The following ATP11A variants were observed in gnomAD, a reference collection of about 807,000 sequenced individuals.
ATP11A encodes the protein ATPase phospholipid transporting 11A.
A neutral mutation model predicts 154.4 loss-of-function variants in ATP11A; 81 were observed. The ratio of observed to expected loss-of-function variants is 0.52; its 90% CI spans 0.44 to 0.63. The LOEUF (loss-of-function observed/expected upper bound fraction) is 0.63. Ranked by LOEUF, ATP11A falls within the 30% of genes least tolerant of loss-of-function variation. The pLI, the probability that ATP11A is intolerant of heterozygous loss-of-function variation, is 0.00. For synonymous variants in ATP11A, 623 were observed against 585.9 expected, an observed-to-expected ratio of 1.06 and a Z score of -0.91; for missense variants, 1,316 against 1,474.3, an observed-to-expected ratio of 0.89 and a Z score of 1.76.
rs544636368 is a variant in ATP11A, at chr13:112,820,100, G to A, written c.725+150G>A. The A allele has an allele frequency of 5.9e-5, 45 of 757,642 alleles. No individual in the cohort carries two copies. In the African/African-American group the frequency reaches 7.3e-4, roughly 12 times the overall value. The allele number at this position is 757,642 out of a possible 1,614,324, so 46.9% of individuals were successfully genotyped here. On this transcript the variant is annotated intron_variant, in intron 8 of 29. Transcript: ENST00000375645. ...TCCCACAGGGCCGGGCTCCACTCTC[G>A]TCTCTGGTTTGTCTCAGGCACACAT... is the stretch of plus-strand genomic sequence containing the variant.
intron 2 of ATP11A, among the ~76,000 whole-genome samples, chr13:112,798,753 C>T (rs2078062036): frequency 6.6e-6 from 1 of 152,046 alleles, no homozygotes; most frequent in Non-Finnish European, 1.5e-5. Flanking sequence ...GAGTATAAGT[C>T]ACAAAAGAAA....
chr13:112,826,489 C>T (rs1478198481), intron 11 of ATP11A, among the ~76,000 whole-genome samples: 3 of 152,320 alleles, frequency 2.0e-5, no homozygotes, highest in Admixed American at 6.5e-5. Flanking sequence ...CAGCTCAGCC[C>T]CTGGACCCGG....
chr13:112,860,350 C>G lies in ATP11A; in HGVS notation c.2791C>G (p.Leu931Val). Reference sequence around the variant, plus strand: ...CAGCTTCACCTCCCTCCCCATCCTCCTGTACAGCCTCATGGAGCAGCATGT... The same window carrying G: ...CAGCTTCACCTCCCTCCCCATCCTCGTGTACAGCCTCATGGAGCAGCATGT... ...NISFTSLPIL[L>V]YSLMEQHVGI... The change falls in exon 24 of 30, where the codon CTG becomes GTG. Residue 931 changes from leucine (L) to valine (V), a missense_variant. Leu to Val is a conservative substitution (Grantham distance 32). Coordinates refer to ENST00000375645, the MANE Select transcript of ATP11A (RefSeq NM_015205.3). The G allele has an allele frequency of 6.2e-7, 1 of 1,614,216 alleles. No individual in the cohort carries two copies. The highest frequency in any genetic ancestry group is 8.5e-7 in the Non-Finnish European group (1 of 1,180,044).
At chr13:112,722,053 T>C (rs1889259511) in intron 1 of ATP11A, among the ~76,000 whole-genome samples, 1 of 152,104 alleles carries the variant, frequency 6.6e-6, no homozygotes, top group South Asian at 2.1e-4. Context: ...AACCAAACTC[T>C]GTATCAGTGA....
In ATP11A at chr13:112,713,729, A is replaced by C. The variant is rs544482791; in HGVS notation, c.39+23274A>C. Among the ~76,000 whole-genome samples the C allele has an allele frequency of 5.3e-5, 8 of 152,284 alleles. No individual in the cohort carries two copies. The East Asian group carries it at 1.5e-3, about 29-fold the overall frequency. On this transcript the variant is annotated intron_variant, in intron 1 of 29. Coordinates refer to ENST00000375645, the MANE Select transcript of ATP11A (RefSeq NM_015205.3). Reference sequence around the variant, plus strand: ...TCTGGCCGTTTAATCTTCTGATGACAGACAGCTAACTGTTGATAAGGATAA... The same window carrying C: ...TCTGGCCGTTTAATCTTCTGATGACCGACAGCTAACTGTTGATAAGGATAA...
At chr13:112,705,375 C>A (rs796095204) in intron 1 of ATP11A, among the ~76,000 whole-genome samples, 1 of 152,144 alleles carries the variant, frequency 6.6e-6, no homozygotes, top group African/African-American at 2.4e-5. Flanking sequence ...CCTCAGCACG[C>A]GGGGGTGCTC....
At chr13:112,874,557 C>T (rs568913625) in intron 27 of ATP11A, among the ~76,000 whole-genome samples, 1 of 152,322 alleles carries the variant, frequency 6.6e-6, no homozygotes, top group African/African-American at 2.4e-5. Flanking sequence ...CTGCCACAGC[C>T]CTCTGCAGAC....
At chr13:112,814,595 T>C (rs752003841) in intron 5 of ATP11A, among the ~76,000 whole-genome samples, 2 of 152,192 alleles carry the variant, frequency 1.3e-5, no homozygotes, top group Non-Finnish European at 2.9e-5. Context: ...TTGTCGCCCC[T>C]GCACCAGGGG....
intron 1 of ATP11A, among the ~76,000 whole-genome samples, chr13:112,732,384 C>G (rs1396651680): frequency 1.3e-5 from 2 of 152,132 alleles, no homozygotes; most frequent in Non-Finnish European, 2.9e-5. Flanking sequence ...GTCTCTCTCT[C>G]CCCATCCTCT....
In ATP11A at chr13:112,746,318, G is replaced by GC. The variant is rs1892130724; in HGVS notation, c.40-38817_40-38816insC. On this transcript the variant is annotated intron_variant, in intron 1 of 29. Transcript: ENST00000375645. The surrounding 1 kb of genome is among the most constrained non-coding windows in gnomAD (Gnocchi z 4.1). ...TGCACCAACAGTGCACAGGGCTCCG[G>GC]TTCCCCACGTCCTCACCGGGTAACT... 1 of 152,138 alleles carries GC rather than the reference G, an allele frequency of 6.6e-6. No individual in the cohort carries two copies. The highest frequency in any genetic ancestry group is 2.4e-5 in the African/African-American group (1 of 41,396). 9.4% of individuals were successfully genotyped at this position (152,138 alleles called of 1,614,324 possible). A position where few individuals can be genotyped will look rare whatever the true frequency, so the allele number is the denominator to read the frequency against.
At chr13:112,815,573 A>C (rs1439048853) in intron 5 of ATP11A, among the ~76,000 whole-genome samples, 1 of 152,218 alleles carries the variant, frequency 6.6e-6, no homozygotes, top group Non-Finnish European at 1.5e-5. Context: ...CACAAACTAG[A>C]CCATGACCTT....
intron 12 of ATP11A, among the ~76,000 whole-genome samples, chr13:112,829,022 A>G (rs189360870): frequency 5.3e-4 from 80 of 152,302 alleles, no homozygotes; most frequent in African/African-American, 1.6e-3. Flanking sequence ...TGCACACTTT[A>G]TGCACCTTCT....
intron 1 of ATP11A, among the ~76,000 whole-genome samples, chr13:112,714,111 C>G (rs1343446406): frequency 2.5e-5 from 2 of 80,520 alleles, no homozygotes; most frequent in Admixed American, 1.3e-4. Context: ...CTTCCACTCC[C>G]CGCACCCCTG....
chr13:112,880,443 G>A (rs989767631), intron 29 of ATP11A: 25 of 1,034,504 alleles, frequency 2.4e-5, no homozygotes, highest in Non-Finnish European at 2.9e-5. Flanking sequence ...GGGGCTTCGA[G>A]CCTCTTCCTG....
Position 112,729,678 on chromosome 13 carries a change from G to A in ATP11A, c.39+39223G>A, listed in dbSNP as rs766710984. Reference sequence around the variant, plus strand: ...GTGAACAGCGTCAGAAGGCACTGCCGCAGCGCTCCTGCTATTTTTAGCGTC... The same window carrying A: ...GTGAACAGCGTCAGAAGGCACTGCCACAGCGCTCCTGCTATTTTTAGCGTC... On this transcript the variant is annotated intron_variant, in intron 1 of 29. Coordinates refer to ENST00000375645, the MANE Select transcript of ATP11A (RefSeq NM_015205.3). 9.9e-4 allele frequency among the ~76,000 whole-genome samples: 151 copies of A among 152,370 alleles called. 1 individual carries two copies. The highest frequency in any genetic ancestry group is 2.3e-3 in the Admixed American group (35 of 15,308).
chr13:112,799,986 C>G (rs1036111720), intron 2 of ATP11A, among the ~76,000 whole-genome samples: 1 of 151,878 alleles, frequency 6.6e-6, no homozygotes, highest in Non-Finnish European at 1.5e-5. Context: ...ATATTTTAAG[C>G]TAAACAAAAA....
intron 16 of ATP11A, among the ~76,000 whole-genome samples, chr13:112,841,476 G>A (rs1357929366): frequency 5.1e-5 from 7 of 136,184 alleles, no homozygotes; most frequent in African/African-American, 1.1e-4. Context: ...GAGCACCTGC[G>A]CCCAGGCACA....
intron 19 of ATP11A, among the ~76,000 whole-genome samples, chr13:112,855,467 C>G (rs1174961643): frequency 3.3e-5 from 5 of 152,182 alleles, no homozygotes; most frequent in Non-Finnish European, 5.9e-5. Flanking sequence ...TGTGAGCCAC[C>G]GCATCCAGCC....
At position 112,869,315 on chromosome 13, in the gene ATP11A, C is replaced by T. The variant is rs562613038; in HGVS notation, c.2992-2420C>T. On this transcript the variant is annotated intron_variant, in intron 25 of 29. Coordinates refer to ENST00000375645, the MANE Select transcript of ATP11A (RefSeq NM_015205.3). ...TGTGCTTTGTTCCTCACCTATAAAG[C>T]TTACAGCTGTGGCCCATGTGCTCTG... Among the ~76,000 whole-genome samples the T allele has an allele frequency of 8.5e-4, 130 of 152,344 alleles. 1 individual carries two copies. The highest frequency in any genetic ancestry group is 1.7e-3 in the Non-Finnish European group (113 of 68,030).
Sources: gnomAD v4.1 joint callset for allele counts (sites outside exome capture counted in the v4.1 genomes callset) on GRCh38, gnomAD v4.1.1 for gene constraint, Gnocchi (gnomAD v3.1) non-coding constraint, MANE v1.5 for transcripts, NCBI Gene and HGNC (gene_info 2026-07-23, HGNC 2026-07-21) for gene names.